Variants in PTPRM observed in about 807,000 individuals in gnomAD.
PTPRM encodes the protein protein tyrosine phosphatase receptor type M.
In PTPRM, 47 loss-of-function variants were observed where a neutral mutation model predicts 186.7. The observed-to-expected ratio is 0.25, with a 90% CI of 0.20 to 0.32. The LOEUF (loss-of-function observed/expected upper bound fraction) is 0.32. Ranked by LOEUF, PTPRM falls within the 10% of genes least tolerant of loss-of-function variation. The pLI is 1.00. For missense variants in PTPRM, 1,494 were observed against 1,865.0 expected, an observed-to-expected ratio of 0.80 and a Z score of 3.66; for synonymous variants, 668 against 674.9, an observed-to-expected ratio of 0.99 and a Z score of 0.16.
At chr18:7,573,271 A>G (rs2036606089) in intron 1 of PTPRM, among the ~76,000 whole-genome samples, 1 of 152,160 alleles carries the variant, frequency 6.6e-6, no homozygotes, top group East Asian at 1.9e-4. Flanking sequence ...AAGTTGAAGG[A>G]GGGCCATGAA....
At chr18:8,052,341 G>A (rs76333852) in intron 7 of PTPRM, among the ~76,000 whole-genome samples, 11,024 of 152,168 alleles carry the variant, frequency 0.072, 514 homozygotes, top group Middle Eastern at 0.27. Context: ...TTGGTCAACC[G>A]CAGACCACAT....
At chr18:8,104,650 C>G (rs534071678) in intron 11 of PTPRM, among the ~76,000 whole-genome samples, 37 of 152,144 alleles carry the variant, frequency 2.4e-4, no homozygotes, top group African/African-American at 8.9e-4. Context: ...GTCTCACTAT[C>G]TTGCACAAGT....
rs2038623152 is a variant in PTPRM, at chr18:7,648,661, T to C, written c.73+80770T>C. 2.0e-5 allele frequency among the ~76,000 whole-genome samples: 3 copies of C among 152,328 alleles called. No homozygotes were observed. In the South Asian group the frequency reaches 6.2e-4, roughly 32 times the overall value. On this transcript the variant is annotated intron_variant, in intron 1 of 32. Transcript: ENST00000580170. ...CAAAGCCTAATCCAGACCAAGGCCC[T>C]AACTCTCTTCAATTCTGTGAAGGTT...
At chr18:8,276,945 AT>A (rs35201374) in intron 19 of PTPRM, among the ~76,000 whole-genome samples, 45,639 of 147,774 alleles carry the variant, frequency 0.31, 7,074 homozygotes, top group Admixed American at 0.4. Flanking sequence ...CAAAACTGTA[AT>A]TTTTTTTTTT....
chr18:8,350,565 CT>C (rs1273428113), intron 23 of PTPRM, among the ~76,000 whole-genome samples: 1 of 152,166 alleles, frequency 6.6e-6, no homozygotes, highest in Non-Finnish European at 1.5e-5. Flanking sequence ...TCCTGGTGGT[CT>C]TTTAGACAAC....
chr18:7,729,354 G>A (rs934975881), intron 1 of PTPRM, among the ~76,000 whole-genome samples: 1 of 152,086 alleles, frequency 6.6e-6, no homozygotes, highest in Non-Finnish European at 1.5e-5. Flanking sequence ...CTGATTCAGG[G>A]TTTGTGGAAC....
chr18:8,288,209 TC>T (rs1008110095), intron 19 of PTPRM, among the ~76,000 whole-genome samples: 1 of 152,174 alleles, frequency 6.6e-6, no homozygotes, highest in Non-Finnish European at 1.5e-5. Flanking sequence ...GGCTTTGACT[TC>T]CAAACTGATG....
At chr18:8,148,734 T>C (rs1263972402) in intron 14 of PTPRM, among the ~76,000 whole-genome samples, 1 of 152,202 alleles carries the variant, frequency 6.6e-6, no homozygotes, top group African/African-American at 2.4e-5. Flanking sequence ...TTCTTTTCAT[T>C]TTGATTTTAG....
chr18:8,147,200 T>C (rs1355340037), intron 14 of PTPRM, among the ~76,000 whole-genome samples: 1 of 152,216 alleles, frequency 6.6e-6, no homozygotes, highest in Non-Finnish European at 1.5e-5. Context: ...CAATGGTAGC[T>C]TGATGGAGAT....
intron 1 of PTPRM, among the ~76,000 whole-genome samples, chr18:7,709,333 G>A (rs892043136): frequency 1.3e-5 from 2 of 152,002 alleles, no homozygotes; most frequent in Non-Finnish European, 2.9e-5. Context: ...AACTCAAGGT[G>A]GAAATTAAAA....
intron 11 of PTPRM, among the ~76,000 whole-genome samples, chr18:8,111,188 C>T (rs1440207231): frequency 6.6e-6 from 1 of 152,208 alleles, no homozygotes; most frequent in Non-Finnish European, 1.5e-5. Flanking sequence ...TTTTTTTCTT[C>T]ACACATATCC....
intron 5 of PTPRM, among the ~76,000 whole-genome samples, chr18:7,938,274 A>G (rs1485281838): frequency 6.6e-6 from 1 of 152,084 alleles, no homozygotes; most frequent in East Asian, 1.9e-4. Flanking sequence ...TTACATCTTT[A>G]TCCTCTTTCA....
intron 1 of PTPRM, among the ~76,000 whole-genome samples, chr18:7,570,049 C>A (rs541128473): frequency 6.6e-6 from 1 of 152,100 alleles, no homozygotes; most frequent in South Asian, 2.1e-4. Context: ...TAGCTTGAGC[C>A]CAGGAGTTTG....
At chr18:7,812,223 G>A (rs979988835) in intron 2 of PTPRM, among the ~76,000 whole-genome samples, 1 of 152,124 alleles carries the variant, frequency 6.6e-6, no homozygotes, top group Non-Finnish European at 1.5e-5. Context: ...CTTCCTTTAA[G>A]TATTACTTTT....
At chr18:8,399,785 A>G (rs935847715) in intron 32 of PTPRM, 1 of 152,178 alleles carries the variant, frequency 6.6e-6, no homozygotes, top group African/African-American at 2.4e-5. Context: ...CCCAGCCTAG[A>G]GGCTGGACAC....
At chr18:7,781,651 T>C (rs1211565080) in intron 2 of PTPRM, among the ~76,000 whole-genome samples, 1 of 152,184 alleles carries the variant, frequency 6.6e-6, no homozygotes, top group Admixed American at 6.5e-5. Context: ...CGTTCCCATG[T>C]TTGTGTCCAT....
chr18:7,678,671 A>G (rs1169518937), intron 1 of PTPRM, among the ~76,000 whole-genome samples: 1 of 152,202 alleles, frequency 6.6e-6, no homozygotes, highest in East Asian at 1.9e-4. Flanking sequence ...GTATTATGTC[A>G]TACCGTACTT....
intron 7 of PTPRM, among the ~76,000 whole-genome samples, chr18:8,019,800 TATA>T (rs1374505376): frequency 5.0e-5 from 7 of 139,684 alleles, no homozygotes; most frequent in Admixed American, 1.4e-4. Flanking sequence ...TAATTTATAA[TATA>T]ATATAAATAA....
At chr18:7,990,951 T>A (rs1384693309) in intron 7 of PTPRM, among the ~76,000 whole-genome samples, 1 of 152,134 alleles carries the variant, frequency 6.6e-6, no homozygotes, top group East Asian at 1.9e-4. Flanking sequence ...GGAGGTCTTG[T>A]GAAAATGATT....
Sources: allele counts gnomAD v4.1 joint callset (sites outside exome capture counted in the v4.1 genomes callset), GRCh38; gene constraint gnomAD v4.1.1; transcripts MANE v1.5; gene names NCBI Gene and HGNC (gene_info 2026-07-23, HGNC 2026-07-21).